The following DCUN1D1 variants were observed in gnomAD, a reference collection of about 807,000 sequenced individuals.
DCUN1D1 encodes the protein defective in cullin neddylation 1 domain containing 1.
DCUN1D1 carries 3 observed loss-of-function variants against 39.0 expected under a neutral mutation model. The observed-to-expected ratio is 0.08, with a 90% confidence interval of 0.04 to 0.20. The LOEUF is 0.20. DCUN1D1 is among the 10% of genes least tolerant of loss of function. The probability of loss-of-function intolerance (pLI) is 1.00; values close to 1 mark genes in which losing one functional copy is unlikely to be tolerated. For synonymous variants in DCUN1D1, 82 were observed against 96.3 expected, an observed-to-expected ratio of 0.85 and a Z score of 0.87; for missense variants, 158 against 302.4, an observed-to-expected ratio of 0.52 and a Z score of 3.54.
At chr3:182,957,436 G>A (rs535552647) in intron 4 of DCUN1D1, among the ~76,000 whole-genome samples, 1 of 152,316 alleles carries the variant, frequency 6.6e-6, no homozygotes, top group South Asian at 2.1e-4. Context: ...AGGCCAGCCT[G>A]GGCAACACGG....
intron 6 of DCUN1D1, 100 bp from the exon 7 acceptor site, chr3:182,945,273 C>T (rs1335580268): frequency 1.5e-5 from 13 of 894,456 alleles, no homozygotes; most frequent in Middle Eastern, 2.3e-4. Context: ...TCCTCATAAG[C>T]GTTAAAGTAT....
intron 1 of DCUN1D1, among the ~76,000 whole-genome samples, chr3:182,973,732 C>T (rs1004994229): frequency 3.4e-5 from 5 of 148,942 alleles, no homozygotes; most frequent in Non-Finnish European, 3.0e-5. Context: ...ACCTGAACCC[C>T]GGAGACAGAG....
chr3:182,945,304 CTGAT>C (rs759110660), intron 6 of DCUN1D1, 131 bp from the exon 7 acceptor site: 10 of 646,248 alleles, frequency 1.5e-5, no homozygotes, highest in Admixed American at 7.0e-5. Flanking sequence ...TCTATTCCCA[CTGAT>C]TAAGTCTTTC....
chr3:182,980,300 G>T, intron 1 of DCUN1D1, 187 bp downstream of exon 1: 1 of 350,438 alleles, frequency 2.9e-6, no homozygotes, highest in Non-Finnish European at 4.0e-6. Flanking sequence ...GGCTGCGCCC[G>T]GGCGGGAAGG....
At chr3:182,963,270 A>C (rs890507144) in intron 3 of DCUN1D1, among the ~76,000 whole-genome samples, 2 of 152,222 alleles carry the variant, frequency 1.3e-5, no homozygotes, top group Admixed American at 1.3e-4. Flanking sequence ...AGCACAGTTA[A>C]CTGAAATAAA....
upstream of DCUN1D1, among the ~76,000 whole-genome samples, chr3:182,981,683 G>T (rs79045392): frequency 0.028 from 4,304 of 152,250 alleles, 73 homozygotes; most frequent in East Asian, 0.1. Flanking sequence ...ACCAGCACAG[G>T]CATTAAACGA....
Position 182,950,684 on chromosome 3 carries a change from A to C in DCUN1D1, c.521-3052T>G, listed in dbSNP as rs138161516. ...TAATTTGTTTGAAAATCAAATTCTGATGCCCATGTTTTAAGAGAACTAAAA... is the reference window on the plus strand; with the variant it reads ...TAATTTGTTTGAAAATCAAATTCTGCTGCCCATGTTTTAAGAGAACTAAAA... On this transcript the variant is annotated intron_variant, in intron 4 of 6. Transcript: ENST00000292782. 3.1e-3 allele frequency: 476 copies of C among 151,974 alleles called. 4 individuals carry two copies. The highest frequency in any genetic ancestry group is 0.011 in the African/African-American group (457 of 41,458). The allele number at this position is 151,974 out of a possible 1,614,324, so 9.4% of individuals were successfully genotyped here.
chr3:182,947,098 T>A (rs537530683), intron 6 of DCUN1D1, 140 bp downstream of exon 6: 1 of 583,594 alleles, frequency 1.7e-6, no homozygotes, highest in African/African-American at 1.9e-5. Flanking sequence ...TGAGACTCTA[T>A]CTCAAAAAAA....
chr3:182,968,134 C>T (rs1727762561), intron 1 of DCUN1D1, among the ~76,000 whole-genome samples: 1 of 152,138 alleles, frequency 6.6e-6, no homozygotes, highest in African/African-American at 2.4e-5. Context: ...GTCTCAAACG[C>T]CCGGGCTCAA....
At chr3:182,948,947 C>T (rs1160807790) in intron 4 of DCUN1D1, among the ~76,000 whole-genome samples, 2 of 151,250 alleles carry the variant, frequency 1.3e-5, no homozygotes, top group African/African-American at 4.9e-5. Context: ...ACTCGGGAGG[C>T]TGAGACTAGA....
At position 182,944,102 on chromosome 3, in the gene DCUN1D1, T is replaced by G. The variant is rs1726272630; in HGVS notation, c.*992A>C. Reference sequence around the variant, plus strand: ...TTTCAAAATTTAACTGCAACTATCTTCTTATAAATTAAGAGAATTCCATTT... The same window carrying G: ...TTTCAAAATTTAACTGCAACTATCTGCTTATAAATTAAGAGAATTCCATTT... On this transcript the variant is annotated 3_prime_UTR_variant, in exon 7 of 7. Transcript: ENST00000292782. 1 of 152,628 alleles carries G rather than the reference T, an allele frequency of 6.6e-6. No individual in the cohort carries two copies. 9.5% of individuals were successfully genotyped at this position (152,628 alleles called of 1,614,324 possible).
In DCUN1D1 at chr3:182,940,070, T is replaced by G. The variant is rs542390987; in HGVS notation, c.*5024A>C. On this transcript the variant is annotated 3_prime_UTR_variant, in exon 7 of 7. Transcript: ENST00000292782. ...ATATTGCTCTTTTAGCTATAAGTCA[T>G]GTAATTATGTGACAAAATCACTGTT... is the stretch of plus-strand genomic sequence containing the variant. The G allele has an allele frequency of 6.6e-6, 1 of 152,200 alleles. No homozygotes were observed. The highest frequency in any genetic ancestry group is 1.5e-5 in the Non-Finnish European group (1 of 68,026). 9.4% of individuals were successfully genotyped at this position (152,200 alleles called of 1,614,324 possible).
chr3:182,953,167 C>T (rs970011061), intron 4 of DCUN1D1, among the ~76,000 whole-genome samples: 2 of 152,128 alleles, frequency 1.3e-5, no homozygotes, highest in African/African-American at 4.8e-5. Context: ...AAACTATACC[C>T]TTTTTGAAGG....
chr3:182,968,321 T>C (rs532747514), intron 1 of DCUN1D1, among the ~76,000 whole-genome samples: 11 of 152,376 alleles, frequency 7.2e-5, no homozygotes, highest in Admixed American at 3.3e-4. Context: ...TTTTATCATA[T>C]AGTTTTAAAT....
At chr3:182,960,347 G>T (rs1042897934) in intron 4 of DCUN1D1, among the ~76,000 whole-genome samples, 3 of 152,046 alleles carry the variant, frequency 2.0e-5, no homozygotes, top group Admixed American at 2.0e-4. Context: ...CAGCTTTCTT[G>T]TGTCTCACCA....
At chr3:182,966,178 T>C (rs1727658291) in intron 1 of DCUN1D1, among the ~76,000 whole-genome samples, 2 of 152,058 alleles carry the variant, frequency 1.3e-5, no homozygotes, top group Non-Finnish European at 2.9e-5. Context: ...AGTCAGCAAA[T>C]GCCCCTGGGG....
At position 182,943,426 on chromosome 3, in the gene DCUN1D1, T is replaced by C. The variant is rs2108617391; in HGVS notation, c.*1668A>G. ...TTTTTCTTTTGGTAAAACTGCATTC[T>C]TGAATTAAAGTTATGATTGGAATAT... On this transcript the variant is annotated 3_prime_UTR_variant, in exon 7 of 7. Coordinates refer to ENST00000292782, the MANE Select transcript of DCUN1D1 (RefSeq NM_020640.4). 2 of 152,698 alleles carry C rather than the reference T, an allele frequency of 1.3e-5. No individual in the cohort carries two copies. Among genetic ancestry groups the C allele is most frequent in the Non-Finnish European group, 2.9e-5 (2 of 67,988 alleles). 9.5% of individuals were successfully genotyped at this position (152,698 alleles called of 1,614,324 possible).
At chr3:182,984,657 A>T (rs1439755972), upstream of DCUN1D1, among the ~76,000 whole-genome samples, 1 of 152,132 alleles carries the variant, frequency 6.6e-6, no homozygotes, top group Non-Finnish European at 1.5e-5. Flanking sequence ...AACGATGAAA[A>T]AATTAATATA....
At chr3:182,974,763 TA>T (rs11425594) in intron 1 of DCUN1D1, among the ~76,000 whole-genome samples, 3,181 of 147,196 alleles carry the variant, frequency 0.022, 114 homozygotes, top group African/African-American at 0.076. Context: ...TAATAGACTT[TA>T]AAAAAAAAAA....
Sources: gnomAD v4.1 joint callset for allele counts (sites outside exome capture counted in the v4.1 genomes callset) on GRCh38, gnomAD v4.1.1 for gene constraint, MANE v1.5 for transcripts, NCBI Gene and HGNC (gene_info 2026-07-23, HGNC 2026-07-21) for gene names.